The following VDAC1 variants were observed in gnomAD, a reference collection of about 807,000 sequenced individuals.
The protein encoded by VDAC1 is voltage dependent anion channel 1.
VDAC1 carries 10 observed loss-of-function variants against 34.7 expected under a neutral mutation model. The ratio of observed to expected loss-of-function variants is 0.29; its 90% confidence interval spans 0.18 to 0.49. The LOEUF (loss-of-function observed/expected upper bound fraction) is 0.49. VDAC1 is among the 20% of genes least tolerant of loss of function. VDAC1 has a pLI of 0.99. For synonymous variants in VDAC1, 130 were observed against 136.0 expected (o/e 0.96, Z 0.30); for missense variants, 230 against 347.9 (o/e 0.66, Z 2.69).
chr5:133,983,972 A>G (rs1017455940), intron 5 of VDAC1, among the ~76,000 whole-genome samples: 2 of 152,134 alleles, frequency 1.3e-5, no homozygotes, highest in Non-Finnish European at 2.9e-5. Flanking sequence ...CCAGAAGCCG[A>G]GCAGATGCCT....
chr5:134,052,591 T>G, the VDAC1 span, among the ~76,000 whole-genome samples: 1 of 151,984 alleles, frequency 6.6e-6, no homozygotes, highest in Non-Finnish European at 1.5e-5. Context: ...CCAAAACTTA[T>G]ATTAAATAAG....
chr5:134,085,230 G>A, the VDAC1 span, among the ~76,000 whole-genome samples: 36 of 151,978 alleles, frequency 2.4e-4, no homozygotes, highest in African/African-American at 8.4e-4. Flanking sequence ...CACCACGCCC[G>A]GCTAGCTTTT....
intron 1 of VDAC1, among the ~76,000 whole-genome samples, chr5:133,999,464 C>T (rs891277976): frequency 3.3e-5 from 5 of 152,216 alleles, no homozygotes; most frequent in African/African-American, 7.2e-5. Flanking sequence ...CTCCCTTCCA[C>T]CCTGCTCTGT....
At chr5:134,022,279 T>C in the VDAC1 span, among the ~76,000 whole-genome samples, 2 of 152,146 alleles carry the variant, frequency 1.3e-5, no homozygotes, top group Admixed American at 6.6e-5. Context: ...ATTCAGAAAA[T>C]TATTATTTAC....
the VDAC1 span, among the ~76,000 whole-genome samples, chr5:134,089,474 C>T: frequency 6.6e-6 from 1 of 152,224 alleles, no homozygotes; most frequent in Non-Finnish European, 1.5e-5. Flanking sequence ...ATAGAAATTA[C>T]AGCTCGCCAT....
the VDAC1 span, among the ~76,000 whole-genome samples, chr5:134,094,913 G>A: frequency 3.3e-5 from 5 of 152,152 alleles, no homozygotes; most frequent in Admixed American, 2.6e-4. Context: ...GAAACCCAAG[G>A]AAATGTCTTC....
At chr5:134,047,510 A>G in the VDAC1 span, among the ~76,000 whole-genome samples, 1 of 152,114 alleles carries the variant, frequency 6.6e-6, no homozygotes. Context: ...CCAACTCCAG[A>G]CCCCAGGGAC....
chr5:134,024,344 A>G, the VDAC1 span, among the ~76,000 whole-genome samples: 1 of 152,094 alleles, frequency 6.6e-6, no homozygotes, highest in African/African-American at 2.4e-5. Context: ...CCTGGTCAAC[A>G]TGGTGAAACC....
intron 6 of VDAC1, among the ~76,000 whole-genome samples, chr5:133,978,168 C>T (rs1297667906): frequency 1.4e-5 from 2 of 147,132 alleles, no homozygotes; most frequent in Non-Finnish European, 3.0e-5. Flanking sequence ...TCTAAATTTT[C>T]TTTTTTTTTT....
chr5:134,020,067 C>T, the VDAC1 span, among the ~76,000 whole-genome samples: 1 of 152,016 alleles, frequency 6.6e-6, no homozygotes, highest in African/African-American at 2.4e-5. Flanking sequence ...CTAGCCTTTC[C>T]TGCTTGAAGA....
the VDAC1 span, among the ~76,000 whole-genome samples, chr5:134,026,753 C>A: frequency 6.6e-6 from 1 of 152,144 alleles, no homozygotes; most frequent in South Asian, 2.1e-4. Flanking sequence ...CACCTACTCA[C>A]CAACAAGTGG....
chr5:134,105,530 C>T, the VDAC1 span, among the ~76,000 whole-genome samples: 557 of 152,364 alleles, frequency 3.7e-3, 3 homozygotes, highest in African/African-American at 0.013. Flanking sequence ...CATGAGTGTT[C>T]CCAGTCATTC....
chr5:134,019,264 T>C, the VDAC1 span, among the ~76,000 whole-genome samples: 1 of 152,008 alleles, frequency 6.6e-6, no homozygotes, highest in East Asian at 1.9e-4. Flanking sequence ...ATTACAAGAA[T>C]GATCACAAAA....
the VDAC1 span, among the ~76,000 whole-genome samples, chr5:134,022,498 A>T: frequency 1.3e-5 from 2 of 152,188 alleles, no homozygotes; most frequent in East Asian, 3.8e-4. Context: ...AGGCCAACCC[A>T]TTTCCCAAAA....
Position 133,975,874 on chromosome 5 carries a change from G to C in VDAC1, c.699C>G (p.Phe233Leu). ...GCGTGATTCCACAGATACCCACCGA[G>C]AAGCAGGCGTCAGGGTCAATCTGAT... is the stretch of plus-strand genomic sequence containing the variant. ...AKYQIDPDAC[F>L]SAKVNNSSLI... Residue 233 changes from phenylalanine to leucine, a missense_variant, in exon 7 of 9, where the codon TTC becomes TTG. Physicochemically the swap from Phe to Leu is conservative, Grantham distance 22 (BLOSUM62 0). Transcript: ENST00000265333. 1 of 1,611,914 alleles carries C rather than the reference G, an allele frequency of 6.2e-7. No individual in the cohort carries two copies. The highest frequency in any genetic ancestry group is 8.5e-7 in the Non-Finnish European group (1 of 1,179,804).
chr5:134,094,428 G>A, the VDAC1 span, among the ~76,000 whole-genome samples: 1 of 152,180 alleles, frequency 6.6e-6, no homozygotes, highest in African/African-American at 2.4e-5. Context: ...GCCGGGCGCG[G>A]TGGCTCACAC....
the VDAC1 span, among the ~76,000 whole-genome samples, chr5:134,036,359 A>G: frequency 6.6e-6 from 1 of 152,164 alleles, no homozygotes; most frequent in African/African-American, 2.4e-5. Flanking sequence ...TCCTGAAAAA[A>G]ATCAAACACA....
At chr5:134,114,473 G>C in the VDAC1 span, among the ~76,000 whole-genome samples, 5 of 152,176 alleles carry the variant, frequency 3.3e-5, no homozygotes, top group African/African-American at 1.2e-4. Flanking sequence ...GGGGTCAGGA[G>C]TTCCCGTTAG....
At chr5:134,009,704 CAG>C (rs1753802901), upstream of VDAC1, among the ~76,000 whole-genome samples, 1 of 151,480 alleles carries the variant, frequency 6.6e-6, no homozygotes, top group Admixed American at 6.6e-5. Context: ...TTTTTTGAGA[CAG>C]AGTCTCCCTC....
Sources: gnomAD v4.1 joint callset for allele counts (sites outside exome capture counted in the v4.1 genomes callset) on GRCh38, gnomAD v4.1.1 for gene constraint, MANE v1.5 for transcripts, NCBI Gene and HGNC (gene_info 2026-07-23, HGNC 2026-07-21) for gene names.